Variants in OR4N2 observed in about 807,000 individuals in gnomAD.
OR4N2 encodes the protein olfactory receptor family 4 subfamily N member 2, also known as olfactory receptor 4N2.
For synonymous variants in OR4N2, 141 were observed against 140.4 expected, an observed-to-expected ratio of 1.00 and a Z score of -0.03; for missense variants, 307 against 377.6, an observed-to-expected ratio of 0.81 and a Z score of 1.55.
At chr14:19,803,916 C>T (rs1879087149) in intron 1 of OR4N2, 72 bp downstream of exon 1, 1 of 152,200 alleles carries the variant, frequency 6.6e-6, no homozygotes, top group Non-Finnish European at 1.5e-5. Flanking sequence ...CAATTTCTTC[C>T]TAGTTCAATC....
chr14:19,816,840 A>T (rs1326999330), intron 1 of OR4N2, among the ~76,000 whole-genome samples: 1 of 152,258 alleles, frequency 6.6e-6, no homozygotes. Context: ...TGTGTCATAA[A>T]TAGCTCTTAT....
intron 1 of OR4N2, among the ~76,000 whole-genome samples, chr14:19,817,634 A>C (rs1879458984): frequency 6.6e-6 from 1 of 152,246 alleles, no homozygotes; most frequent in African/African-American, 2.4e-5. Flanking sequence ...TTTTCAAAAA[A>C]CCAGCTCCTG....
At chr14:19,822,277 G>A (rs1465124265) in intron 1 of OR4N2, 1 of 152,238 alleles carries the variant, frequency 6.6e-6, no homozygotes, top group Non-Finnish European at 1.5e-5. Context: ...GACATCTGGT[G>A]TTAAAAACCA....
chr14:19,809,152 C>CA (rs368220229), intron 1 of OR4N2, among the ~76,000 whole-genome samples: 6,359 of 137,920 alleles, frequency 0.046, 66 homozygotes, highest in Middle Eastern at 0.08. Context: ...TAGCCAGATA[C>CA]AAAAAAAAAA....
chr14:19,826,681 CAG>C (rs1879708392), intron 1 of OR4N2, among the ~76,000 whole-genome samples: 1 of 152,212 alleles, frequency 6.6e-6, no homozygotes, highest in Admixed American at 6.5e-5. Context: ...ACACTGGGAA[CAG>C]AGAAAGAAAT....
At chr14:19,826,543 C>G (rs1484332945) in intron 1 of OR4N2, among the ~76,000 whole-genome samples, 4 of 152,328 alleles carry the variant, frequency 2.6e-5, no homozygotes, top group Non-Finnish European at 5.9e-5. Context: ...ACTACAGTAT[C>G]TTTATGGCTA....
At position 19,825,350 on chromosome 14, in the gene OR4N2, T is replaced by A. The variant is rs1294955152; in HGVS notation, c.-9-2090T>A. Among the ~76,000 whole-genome samples the A allele has an allele frequency of 2.0e-5, 3 of 152,226 alleles. No individual in the cohort carries two copies. In the East Asian group the frequency reaches 5.8e-4, roughly 29 times the overall value. On this transcript the variant is annotated intron_variant, in intron 1 of 1. Coordinates refer to ENST00000557677, the MANE Select transcript of OR4N2 (RefSeq NM_001004723.3). ...ATACGTACCCTAAGATGACACTATA[T>A]AGATGTGCTGTCTGTCTTTTGGTGT... is the stretch of plus-strand genomic sequence containing the variant.
intron 1 of OR4N2, among the ~76,000 whole-genome samples, chr14:19,817,691 G>C (rs1242474827): frequency 1.3e-5 from 2 of 152,190 alleles, no homozygotes; most frequent in Non-Finnish European, 2.9e-5. Flanking sequence ...ATCTCCTTCA[G>C]TTCTGCTCTG....
Position 19,829,352 on chromosome 14 carries a change from G to A in OR4N2, c.*980G>A, listed in dbSNP as rs1879808931. 1 of 152,184 alleles carries A rather than the reference G, an allele frequency of 6.6e-6. No homozygotes were observed. Among genetic ancestry groups the A allele is most frequent in the South Asian group, 2.1e-4 (1 of 4,832 alleles). The allele number at this position is 152,184 out of a possible 1,614,324, so 9.4% of individuals were successfully genotyped here. A position where few individuals can be genotyped will look rare whatever the true frequency, so the allele number is the denominator to read the frequency against. On this transcript the variant is annotated 3_prime_UTR_variant, in exon 2 of 2. Coordinates refer to ENST00000557677, the MANE Select transcript of OR4N2 (RefSeq NM_001004723.3). ...CAACAGTCTTTTGGTAGAGCAATCA[G>A]GATTTTGTGTCAGAGACAAGAAACC...
chr14:19,826,776 C>T (rs11844865), intron 1 of OR4N2, among the ~76,000 whole-genome samples: 41,222 of 147,454 alleles, frequency 0.28, 2,910 homozygotes, highest in African/African-American at 0.32. Flanking sequence ...AGGAGTGGTG[C>T]TCAAACAGAG....
intron 1 of OR4N2, chr14:19,822,271 T>C (rs1879585555): frequency 6.6e-6 from 1 of 152,266 alleles, no homozygotes; most frequent in Non-Finnish European, 1.5e-5. Flanking sequence ...AGAATTGACA[T>C]CTGGTGTTAA....
chr14:19,819,681 C>A (rs1311079234), intron 1 of OR4N2, among the ~76,000 whole-genome samples: 10 of 152,248 alleles, frequency 6.6e-5, no homozygotes, highest in Non-Finnish European at 1.3e-4. Flanking sequence ...TGGAAGCCTA[C>A]TTCTGTCAAC....
At chr14:19,810,889 G>C (rs1879279001) in intron 1 of OR4N2, among the ~76,000 whole-genome samples, 1 of 152,184 alleles carries the variant, frequency 6.6e-6, no homozygotes, top group Non-Finnish European at 1.5e-5. Context: ...GGATAATAAG[G>C]GAATATAAAG....
intron 1 of OR4N2, among the ~76,000 whole-genome samples, chr14:19,819,009 C>T (rs141846292): frequency 0.01 from 1,559 of 152,100 alleles, 15 homozygotes; most frequent in African/African-American, 0.036. Flanking sequence ...GAATATTGGC[C>T]CCCACTTCTT....
chr14:19,807,880 C>T (rs555924317), intron 1 of OR4N2, among the ~76,000 whole-genome samples: 30 of 152,204 alleles, frequency 2.0e-4, no homozygotes, highest in African/African-American at 6.3e-4. Context: ...AAAAAGTTAA[C>T]GCACTGTGAT....
intron 1 of OR4N2, among the ~76,000 whole-genome samples, chr14:19,818,524 C>A (rs1879483835): frequency 6.6e-6 from 1 of 152,070 alleles, no homozygotes; most frequent in South Asian, 2.1e-4. Context: ...TTTTGGCTTT[C>A]AATATGCTTG....
At chr14:19,811,301 C>A (rs950635095) in intron 1 of OR4N2, among the ~76,000 whole-genome samples, 3 of 152,198 alleles carry the variant, frequency 2.0e-5, no homozygotes. Flanking sequence ...GGCTGGAGTG[C>A]AGTGGTGCGA....
chr14:19,812,173 GTTA>G (rs1160757459), intron 1 of OR4N2, among the ~76,000 whole-genome samples: 1 of 151,950 alleles, frequency 6.6e-6, no homozygotes, highest in Non-Finnish European at 1.5e-5. Context: ...AAACTTAAAT[GTTA>G]TTATTCTTCT....
At position 19,828,501 on chromosome 14, in the gene OR4N2, AAG is replaced by A. The variant is rs1487071998; in HGVS notation, c.*131_*132del. 19 of 964,080 alleles carry A rather than the reference AAG, an allele frequency of 2.0e-5. No individual in the cohort carries two copies. In the African/African-American group the frequency reaches 3.0e-4, roughly 15 times the overall value. 59.7% of individuals were successfully genotyped at this position (964,080 alleles called of 1,614,324 possible). On this transcript the variant is annotated 3_prime_UTR_variant, in exon 2 of 2. Coordinates refer to ENST00000557677, the MANE Select transcript of OR4N2 (RefSeq NM_001004723.3). ...TCAGGACTATTCTGGGAACTGAAAA[AAG>A]AAATTACTGAGGCAGATAAGGTCCA...
Sources: gnomAD v4.1 joint callset for allele counts (sites outside exome capture counted in the v4.1 genomes callset) on GRCh38, gnomAD v4.1.1 for gene constraint, MANE v1.5 for transcripts, NCBI Gene and HGNC (gene_info 2026-07-23, HGNC 2026-07-21) for gene names.